Variants in EFCAB8 observed in about 807,000 individuals in gnomAD.
EFCAB8 encodes the protein EF-hand calcium-binding domain-containing protein 8.
Under a neutral mutation model 116.3 loss-of-function variants are expected in EFCAB8, and 100 were observed. That is an observed-to-expected ratio of 0.86 (90% CI 0.73 to 1.02). The LOEUF (loss-of-function observed/expected upper bound fraction) is 1.02. Ranked by LOEUF, EFCAB8 falls within the 50% of genes least tolerant of loss-of-function variation. The probability of loss-of-function intolerance (pLI) is 0.00; values close to 1 mark genes in which losing one functional copy is unlikely to be tolerated. For synonymous variants in EFCAB8, 558 were observed against 567.9 expected, an observed-to-expected ratio of 0.98 and a Z score of 0.25; for missense variants, 1,320 against 1,416.9, an observed-to-expected ratio of 0.93 and a Z score of 1.10.
At chr20:32,910,177 A>G (rs1338758447) in intron 15 of EFCAB8, among the ~76,000 whole-genome samples, 2 of 152,176 alleles carry the variant, frequency 1.3e-5, no homozygotes, top group Non-Finnish European at 2.9e-5. Context: ...TCTGAGCCTC[A>G]TGCCCTTGGC....
intron 22 of EFCAB8, 32 bp downstream of exon 22, chr20:32,931,368 A>G (rs1469494060): frequency 6.7e-7 from 1 of 1,501,248 alleles, no homozygotes; most frequent in Admixed American, 2.3e-5. Context: ...TGCTCAGGAA[A>G]GTGCCTTTGA....
intron 2 of EFCAB8, among the ~76,000 whole-genome samples, chr20:32,865,720 ACC>A (rs1466527519): frequency 6.6e-6 from 1 of 151,124 alleles, no homozygotes; most frequent in Non-Finnish European, 1.5e-5. Flanking sequence ...AATCACTTGA[ACC>A]CAGGAGGCAG....
rs1985430628 is a variant in EFCAB8 at position 32,883,205 on chromosome 20, A to G, written c.432-2300A>G. 5.3e-5 allele frequency among the ~76,000 whole-genome samples: 8 copies of G among 152,262 alleles called. No individual in the cohort carries two copies. In the South Asian group the frequency reaches 1.7e-3, roughly 32 times the overall value. On this transcript the variant is annotated intron_variant, in intron 5 of 26. Coordinates refer to ENST00000400522, the MANE Select transcript of EFCAB8 (RefSeq NM_001143967.2). ...GAGCATTTCTCTGATATCACCCAAG[A>G]CATCTGGGTATTTCAGGTTTCAAGA...
intron 11 of EFCAB8, among the ~76,000 whole-genome samples, chr20:32,905,992 AC>A (rs1568921825): frequency 6.6e-6 from 1 of 151,956 alleles, no homozygotes; most frequent in Non-Finnish European, 1.5e-5. Context: ...AAGCTCCTTG[AC>A]TTTTCCTTTT....
At chr20:32,935,188 C>CTT (rs754022404) in intron 22 of EFCAB8, among the ~76,000 whole-genome samples, 1,100 of 66,138 alleles carry the variant, frequency 0.017, 33 homozygotes, top group East Asian at 0.023. Context: ...TTCTTTCTTT[C>CTT]TTTCTTTTTT....
In EFCAB8 at chr20:32,958,297, G is replaced by T. The variant is rs549385839; in HGVS notation, c.2960-124G>T. 34 of 401,162 alleles carry T rather than the reference G, an allele frequency of 8.5e-5. No homozygotes were observed. In the East Asian group the frequency reaches 1.2e-3, roughly 15 times the overall value. 24.9% of individuals were successfully genotyped at this position (401,162 alleles called of 1,614,324 possible). A position where few individuals can be genotyped will look rare whatever the true frequency, so the allele number is the denominator to read the frequency against. ...GGTGTATGGTGGGCACTCAACATTT[G>T]AGTGAGTGTGGGGGCTGAGGATAGG... On this transcript the variant is annotated intron_variant, in intron 23 of 26. Coordinates refer to ENST00000400522, the MANE Select transcript of EFCAB8 (RefSeq NM_001143967.2).
chr20:32,954,310 G>T (rs1183558258), intron 23 of EFCAB8, among the ~76,000 whole-genome samples: 1 of 151,950 alleles, frequency 6.6e-6, no homozygotes, highest in Admixed American at 6.6e-5. Context: ...TTTGTATATG[G>T]CATAAAATAA....
intron 23 of EFCAB8, among the ~76,000 whole-genome samples, chr20:32,945,254 C>T (rs1013986656): frequency 6.6e-6 from 1 of 152,058 alleles, no homozygotes; most frequent in African/African-American, 2.4e-5. Flanking sequence ...GACCTCCCAG[C>T]CTCAAGTGAT....
intron 5 of EFCAB8, among the ~76,000 whole-genome samples, chr20:32,880,857 C>T (rs1293232909): frequency 1.3e-5 from 2 of 152,040 alleles, no homozygotes; most frequent in Non-Finnish European, 2.9e-5. Flanking sequence ...GGGCATAGGG[C>T]AGGACTCTGG....
At chr20:32,861,451 G>A (rs1470588052) in intron 1 of EFCAB8, among the ~76,000 whole-genome samples, 3 of 152,152 alleles carry the variant, frequency 2.0e-5, no homozygotes, top group African/African-American at 7.2e-5. Context: ...ACCACACCCA[G>A]CTAACGTTTG....
chr20:32,920,884 T>C (rs201868299), intron 20 of EFCAB8, among the ~76,000 whole-genome samples: 2 of 152,084 alleles, frequency 1.3e-5, no homozygotes, highest in East Asian at 3.9e-4. Context: ...ATCTCCAGAC[T>C]CTAGTTAGAA....
intron 3 of EFCAB8, among the ~76,000 whole-genome samples, chr20:32,868,085 T>C (rs1346790033): frequency 6.6e-6 from 1 of 152,086 alleles, no homozygotes; most frequent in African/African-American, 2.4e-5. Flanking sequence ...CTATTAAAAG[T>C]AATGGCAGAA....
intron 22 of EFCAB8, among the ~76,000 whole-genome samples, chr20:32,939,191 CTTT>C (rs1568941778): frequency 2.1e-3 from 124 of 57,916 alleles, no homozygotes; most frequent in Non-Finnish European, 3.0e-3. Flanking sequence ...TTCTTTCTTT[CTTT>C]CTTTCTTTCC....
chr20:32,914,806 G>A, intron 17 of EFCAB8, among the ~76,000 whole-genome samples: 1 of 152,134 alleles, frequency 6.6e-6, no homozygotes, highest in East Asian at 1.9e-4. Flanking sequence ...GTTTGGGTGG[G>A]GACACAGAGC....
intron 26 of EFCAB8, 147 bp downstream of exon 26, chr20:32,960,308 C>T: frequency 1.2e-6 from 1 of 805,330 alleles, no homozygotes; most frequent in Non-Finnish European, 2.0e-6. Flanking sequence ...GGGCCATGGA[C>T]AGGTCTGGGA....
intron 22 of EFCAB8, among the ~76,000 whole-genome samples, chr20:32,939,115 CTCTTTCTTTCTCTT>C (rs1402636749): frequency 1.3e-4 from 16 of 122,416 alleles, no homozygotes; most frequent in Non-Finnish European, 2.1e-4. Context: ...CTTTCTTTCT[CTCTTTCTTTCTCTT>C]TCTTTCTTTC....
At chr20:32,911,154 A>T (rs1025647259) in intron 15 of EFCAB8, among the ~76,000 whole-genome samples, 6 of 151,750 alleles carry the variant, frequency 4.0e-5, no homozygotes, top group Non-Finnish European at 7.4e-5. Context: ...TTTATTTCTT[A>T]TTTTTTTGAC....
intron 23 of EFCAB8, among the ~76,000 whole-genome samples, chr20:32,944,784 T>C (rs1215543984): frequency 1.3e-5 from 2 of 152,164 alleles, no homozygotes; most frequent in South Asian, 2.1e-4. Context: ...TGTGTCTCCT[T>C]GTGGATTTCT....
chr20:32,945,642 T>C (rs1345333233), intron 23 of EFCAB8, among the ~76,000 whole-genome samples: 2 of 152,336 alleles, frequency 1.3e-5, no homozygotes, highest in East Asian at 3.9e-4. Flanking sequence ...TGGGCCATGC[T>C]TTCCTATTTT....
Sources: gnomAD v4.1 joint callset for allele counts (sites outside exome capture counted in the v4.1 genomes callset) on GRCh38, gnomAD v4.1.1 for gene constraint, MANE v1.5 for transcripts, NCBI Gene and HGNC (gene_info 2026-07-23, HGNC 2026-07-21) for gene names.